The following TDP1 variants were observed in gnomAD, a reference collection of about 807,000 sequenced individuals.
TDP1 encodes tyrosyl-DNA phosphodiesterase 1.
In TDP1, 64 loss-of-function variants were observed where a neutral mutation model predicts 81.5. The ratio of observed to expected loss-of-function variants is 0.79; its 90% CI spans 0.64 to 0.97. The LOEUF (loss-of-function observed/expected upper bound fraction) is 0.97, where lower values mean the gene tolerates loss of function less well. TDP1 is among the 50% of genes least tolerant of loss of function. The probability of loss-of-function intolerance (pLI) is 0.00; values close to 1 mark genes in which losing one functional copy is unlikely to be tolerated. For synonymous variants in TDP1, 256 were observed against 264.3 expected, an observed-to-expected ratio of 0.97 and a Z score of 0.30; for missense variants, 723 against 743.8, an observed-to-expected ratio of 0.97 and a Z score of 0.33.
intron 15 of TDP1, among the ~76,000 whole-genome samples, chr14:90,025,540 A>G (rs1429069246): frequency 6.6e-6 from 1 of 152,192 alleles, no homozygotes; most frequent in African/African-American, 2.4e-5. Context: ...TTGACTTTGT[A>G]TGCCCAGTAC....
intron 10 of TDP1, among the ~76,000 whole-genome samples, chr14:89,985,693 T>A (rs2140100882): frequency 6.6e-6 from 1 of 152,330 alleles, no homozygotes; most frequent in Admixed American, 6.5e-5. Flanking sequence ...AAGTTGAAGA[T>A]TAAAGTTTTT....
chr14:89,995,711 G>A (rs1455016144), intron 14 of TDP1, among the ~76,000 whole-genome samples: 3 of 152,190 alleles, frequency 2.0e-5, no homozygotes, highest in East Asian at 3.8e-4. Flanking sequence ...CTGTCAGAAA[G>A]AATGTTCCCA....
At chr14:90,026,716 T>C (rs1310315080) in intron 15 of TDP1, among the ~76,000 whole-genome samples, 1 of 152,188 alleles carries the variant, frequency 6.6e-6, no homozygotes, top group East Asian at 1.9e-4. Flanking sequence ...GGTGTTTGGT[T>C]TTCTGTCCTT....
At chr14:90,034,903 C>T (rs1378747844) in intron 16 of TDP1, among the ~76,000 whole-genome samples, 2 of 152,202 alleles carry the variant, frequency 1.3e-5, no homozygotes, top group African/African-American at 4.8e-5. Flanking sequence ...ACCCACTAAC[C>T]TTCTCAGCTT....
intron 8 of TDP1, among the ~76,000 whole-genome samples, chr14:89,983,702 G>A (rs1307877630): frequency 6.6e-6 from 1 of 152,190 alleles, no homozygotes; most frequent in Admixed American, 6.5e-5. Context: ...AAGCACAAGA[G>A]GTTTGAAGCC....
intron 5 of TDP1, among the ~76,000 whole-genome samples, chr14:89,969,324 T>A (rs893954604): frequency 1.3e-5 from 2 of 152,248 alleles, no homozygotes; most frequent in Non-Finnish European, 2.9e-5. Context: ...GGGAAGGCTA[T>A]TACGAGCCTT....
intron 5 of TDP1, among the ~76,000 whole-genome samples, chr14:89,967,733 C>G (rs1325397298): frequency 6.6e-6 from 1 of 152,196 alleles, no homozygotes; most frequent in East Asian, 1.9e-4. Context: ...CACATACCTT[C>G]TAGATCTGTG....
At chr14:90,040,861 C>CATT (rs1253853422) in intron 16 of TDP1, among the ~76,000 whole-genome samples, 1 of 152,202 alleles carries the variant, frequency 6.6e-6, no homozygotes, top group East Asian at 1.9e-4. Context: ...CAGCTATAGA[C>CATT]ATTCTACTCA....
At chr14:89,969,149 C>G (rs1893290270) in intron 5 of TDP1, among the ~76,000 whole-genome samples, 1 of 152,174 alleles carries the variant, frequency 6.6e-6, no homozygotes, top group Admixed American at 6.5e-5. Context: ...CTTCTCGCCT[C>G]CAGACCTGTG....
intron 2 of TDP1, chr14:89,958,292 A>G (rs1455996647): frequency 6.6e-6 from 1 of 152,340 alleles, no homozygotes. Flanking sequence ...GGAGTGCTAC[A>G]GGGTTATAGC....
rs1232726965 is a variant in TDP1 at position 90,018,949 on chromosome 14, T to C, written c.1542-367T>C. The C allele has an allele frequency of 5.1e-6, 5 of 977,142 alleles. No homozygotes were observed. The African/African-American group carries it at 9.4e-5, about 18-fold the overall frequency. The allele number at this position is 977,142 out of a possible 1,614,324, so 60.5% of individuals were successfully genotyped here. On this transcript the variant is annotated intron_variant, in intron 14 of 16. Transcript: ENST00000335725. ...CTACTACATAAGATAATATTAACTT[T>C]CTTCTTAAATGCTAGTTTTATGTAC...
intron 14 of TDP1, among the ~76,000 whole-genome samples, chr14:90,010,965 C>T: frequency 6.6e-6 from 1 of 152,134 alleles, no homozygotes; most frequent in Non-Finnish European, 1.5e-5. Flanking sequence ...TGAATTGTAG[C>T]ACCCATAATC....
intron 14 of TDP1, among the ~76,000 whole-genome samples, chr14:89,998,398 A>ATGTATG (rs1566891000): frequency 8.7e-6 from 1 of 114,548 alleles, no homozygotes; most frequent in African/African-American, 4.6e-5. Flanking sequence ...ATATATATAT[A>ATGTATG]TATATATATA....
rs760414123 is a variant in TDP1, at chr14:90,019,453, A to G, written c.1644+35A>G. ...CACTTCCAACTGCACAGTGGGTCAC[A>G]TGGGAGATGAATTGGGCTTTGTGTT... On this transcript the variant is annotated intron_variant, in intron 15 of 16. Transcript: ENST00000335725. 1.8e-5 allele frequency: 20 copies of G among 1,128,098 alleles called. No homozygotes were observed. In the East Asian group the frequency reaches 3.5e-4, roughly 20 times the overall value. The allele number at this position is 1,128,098 out of a possible 1,614,324, so 69.9% of individuals were successfully genotyped here. A position where few individuals can be genotyped will look rare whatever the true frequency, so the allele number is the denominator to read the frequency against.
chr14:89,993,001 C>G, intron 13 of TDP1: 1 of 938,464 alleles, frequency 1.1e-6, no homozygotes, highest in Non-Finnish European at 1.3e-6. Flanking sequence ...TTTGCTGAGC[C>G]TCTACTCATA....
intron 14 of TDP1, among the ~76,000 whole-genome samples, chr14:90,009,129 CTTTTA>C (rs993759361): frequency 6.6e-5 from 10 of 152,122 alleles, no homozygotes; most frequent in African/African-American, 2.4e-4. Context: ...ATTATTTTCC[CTTTTA>C]TTTTAAAATT....
chr14:90,005,776 TAAAAC>T (rs765076279), intron 14 of TDP1, among the ~76,000 whole-genome samples: 5 of 152,242 alleles, frequency 3.3e-5, no homozygotes, highest in Non-Finnish European at 5.9e-5. Flanking sequence ...CATTAGAAAA[TAAAAC>T]AGTAAGCAGT....
At chr14:89,981,553 AT>A (rs2140077311) in intron 8 of TDP1, 1 of 442,616 alleles carries the variant, frequency 2.3e-6, no homozygotes, top group South Asian at 1.6e-5. Context: ...GTCTAGCACC[AT>A]TTCCAGGTTC....
chr14:89,971,441 A>G (rs1291262425), intron 6 of TDP1, among the ~76,000 whole-genome samples, 170 bp downstream of exon 6: 1 of 152,220 alleles, frequency 6.6e-6, no homozygotes, highest in East Asian at 1.9e-4. Context: ...CATCCCATTC[A>G]TAGTACTCCT....
Sources: gnomAD v4.1 joint callset for allele counts (sites outside exome capture counted in the v4.1 genomes callset) on GRCh38, gnomAD v4.1.1 for gene constraint, MANE v1.5 for transcripts, NCBI Gene and HGNC (gene_info 2026-07-23, HGNC 2026-07-21) for gene names.